KCNH7: variants seen among roughly 807,000 people sequenced by gnomAD.
The protein encoded by KCNH7 is voltage-gated inwardly rectifying potassium channel KCNH7.
In KCNH7, 49 loss-of-function variants were observed where a neutral mutation model predicts 120.8. The ratio of observed to expected loss-of-function variants is 0.41; its 90% CI spans 0.32 to 0.51. The LOEUF is 0.51. Among genes scored for constraint, KCNH7 ranks in the 20% least tolerant of loss-of-function variants. KCNH7 has a pLI of 0.38. For synonymous variants in KCNH7, 547 were observed against 516.1 expected, an observed-to-expected ratio of 1.06 and a Z score of -0.81; for missense variants, 1,097 against 1,446.6, an observed-to-expected ratio of 0.76 and a Z score of 3.92.
At chr2:162,823,612 TAG>T (rs1177765072) in intron 2 of KCNH7, among the ~76,000 whole-genome samples, 16 of 152,192 alleles carry the variant, frequency 1.1e-4, no homozygotes, top group Non-Finnish European at 2.2e-4. Context: ...TTACACTTCA[TAG>T]TATAATAATG....
At chr2:162,462,088 T>C (rs1689163519) in intron 6 of KCNH7, among the ~76,000 whole-genome samples, 1 of 152,148 alleles carries the variant, frequency 6.6e-6, no homozygotes, top group Non-Finnish European at 1.5e-5. Context: ...ATTATTTTAT[T>C]TTTCTTAACT....
rs540914879 is a variant in KCNH7 at position 162,645,748 on chromosome 2, T to G, written c.308-108668A>C. ...CATTATGCATTGAGCATGGGTAGAA[T>G]GTACAACAGTATCCATTTCCTCCAG... On this transcript the variant is annotated intron_variant, in intron 2 of 15. Transcript: ENST00000332142. 2.0e-5 allele frequency among the ~76,000 whole-genome samples: 3 copies of G among 152,334 alleles called. No individual in the cohort carries two copies. In the East Asian group the frequency reaches 5.8e-4, roughly 29 times the overall value.
intron 2 of KCNH7, among the ~76,000 whole-genome samples, chr2:162,728,182 T>A (rs1023355248): frequency 6.6e-6 from 1 of 151,792 alleles, no homozygotes; most frequent in Non-Finnish European, 1.5e-5. Flanking sequence ...TTTTTTTTTT[T>A]AATTAGGCAT....
At chr2:162,723,093 T>C (rs1003519446) in intron 2 of KCNH7, among the ~76,000 whole-genome samples, 4 of 152,006 alleles carry the variant, frequency 2.6e-5, no homozygotes, top group African/African-American at 9.7e-5. Flanking sequence ...GATGCTATTT[T>C]ATTTATATAT....
chr2:162,818,005 C>A (rs960684279), intron 2 of KCNH7, among the ~76,000 whole-genome samples: 6 of 151,906 alleles, frequency 3.9e-5, no homozygotes, highest in Non-Finnish European at 7.4e-5. Flanking sequence ...TAAATATTAT[C>A]TGTCAGTCTG....
chr2:162,685,303 C>A (rs1299437769), intron 2 of KCNH7, among the ~76,000 whole-genome samples: 1 of 151,896 alleles, frequency 6.6e-6, no homozygotes, highest in Non-Finnish European at 1.5e-5. Flanking sequence ...ATGTAAAAGA[C>A]CTGCACGTTC....
At chr2:162,655,956 T>C (rs1013378446) in intron 2 of KCNH7, among the ~76,000 whole-genome samples, 1 of 152,216 alleles carries the variant, frequency 6.6e-6, no homozygotes, top group African/African-American at 2.4e-5. Flanking sequence ...AACAGCTCCC[T>C]GATCAACTAT....
intron 9 of KCNH7, among the ~76,000 whole-genome samples, chr2:162,419,763 C>A (rs1004107725): frequency 2.6e-5 from 4 of 152,096 alleles, no homozygotes; most frequent in African/African-American, 9.7e-5. Flanking sequence ...TCATTGGAGT[C>A]CTTCTTCATT....
Position 162,836,630 on chromosome 2 carries a change from G to A in KCNH7, c.214C>T (p.Pro72Ser). The stretch of plus-strand genomic sequence containing the variant: ...GCAATATCATGCCTCTTGGTCTCGG[G>A]TCCATGGAGAAAGTCGCAGGTGCAT... ...KPCTCDFLHG[P>S]ETKRHDIAQI... is the part of the protein sequence containing the mutation. The change falls in exon 2 of 16, where the codon CCC becomes TCC. Residue 72 changes from proline (P) to serine (S), a missense_variant. Transcript: ENST00000332142. 6.2e-7 allele frequency: 1 copy of A among 1,614,132 alleles called. No homozygotes were observed. Among genetic ancestry groups the A allele is most frequent in the Non-Finnish European group, 8.5e-7 (1 of 1,180,034 alleles).
chr2:162,443,587 A>C (rs1676826172), intron 7 of KCNH7, among the ~76,000 whole-genome samples: 1 of 152,160 alleles, frequency 6.6e-6, no homozygotes, highest in Non-Finnish European at 1.5e-5. Context: ...CACCTCCAAA[A>C]TATATCCCAA....
At chr2:162,762,793 G>T (rs1689012550) in intron 2 of KCNH7, among the ~76,000 whole-genome samples, 1 of 152,028 alleles carries the variant, frequency 6.6e-6, no homozygotes, top group African/African-American at 2.4e-5. Context: ...GAGACATAAA[G>T]TTATATAAAT....
At chr2:162,657,543 C>G (rs6432731) in intron 2 of KCNH7, among the ~76,000 whole-genome samples, 33,330 of 151,798 alleles carry the variant, frequency 0.22, 5,651 homozygotes, top group African/African-American at 0.47. Flanking sequence ...GAATAATATT[C>G]CATCGTATGG....
At position 162,423,504 on chromosome 2, in the gene KCNH7, T is replaced by C; in HGVS notation, c.1986A>G (p.Val662=). The C allele has an allele frequency of 1.2e-6, 2 of 1,613,972 alleles. No individual in the cohort carries two copies. The highest frequency in any genetic ancestry group is 1.7e-6 in the Non-Finnish European group (2 of 1,179,852). ...AGTATAGTCTTTGGATAATTGCAGA[T>C]ACATTCCCAAAAATGCTTGCATACA... ...SLMYASIFGN[V]SAIIQRLYSG... The change falls in exon 9 of 16, where the codon GTA becomes GTG. Residue 662 remains valine (V), a synonymous_variant. Coordinates refer to ENST00000332142, the MANE Select transcript of KCNH7 (RefSeq NM_033272.4).
Position 162,562,619 on chromosome 2 carries a change from T to C in KCNH7, c.308-25539A>G, listed in dbSNP as rs528676514. Among the ~76,000 whole-genome samples, 3 of 152,326 alleles carry C rather than the reference T, an allele frequency of 2.0e-5. No homozygotes were observed. In the South Asian group the frequency reaches 6.2e-4, roughly 32 times the overall value. On this transcript the variant is annotated intron_variant, in intron 2 of 15. Coordinates refer to ENST00000332142, the MANE Select transcript of KCNH7 (RefSeq NM_033272.4). ...CATGGGAGGTGAACTTGCCTCTCAC[T>C]GGGTCCTGCTCACTTGGACCTGGGC...
chr2:162,623,637 A>G (rs1048305784), intron 2 of KCNH7, among the ~76,000 whole-genome samples: 7 of 152,132 alleles, frequency 4.6e-5, no homozygotes, highest in Admixed American at 1.3e-4. Context: ...ACCTATGTGA[A>G]TGAATTATGT....
chr2:162,695,098 C>A (rs1686243954), intron 2 of KCNH7, among the ~76,000 whole-genome samples: 1 of 152,072 alleles, frequency 6.6e-6, no homozygotes, highest in African/African-American at 2.4e-5. Flanking sequence ...TCATTATTTT[C>A]TCAATTAGTG....
intron 2 of KCNH7, among the ~76,000 whole-genome samples, chr2:162,753,031 A>AAGAAATGGCCAGGCG (rs1559116574): frequency 7.8e-6 from 1 of 127,766 alleles, no homozygotes; most frequent in Non-Finnish European, 1.6e-5. Context: ...AAGAAAAGAA[A>AAGAAATGGCCAGGCG]CCCTGACTAA....
At chr2:162,376,060 C>T (rs1686163237) in intron 14 of KCNH7, among the ~76,000 whole-genome samples, 1 of 152,074 alleles carries the variant, frequency 6.6e-6, no homozygotes, top group Non-Finnish European at 1.5e-5. Context: ...AATTATAAAG[C>T]TGCGTGAAGT....
At chr2:162,587,532 A>AAT (rs2105927227) in intron 2 of KCNH7, among the ~76,000 whole-genome samples, 2 of 152,222 alleles carry the variant, frequency 1.3e-5, no homozygotes, top group Admixed American at 1.3e-4. Context: ...TTTTTAAAAA[A>AAT]ATATAAGATA....
Sources: gnomAD v4.1 joint callset for allele counts (sites outside exome capture counted in the v4.1 genomes callset) on GRCh38, gnomAD v4.1.1 for gene constraint, MANE v1.5 for transcripts, NCBI Gene and HGNC (gene_info 2026-07-23, HGNC 2026-07-21) for gene names.